SRRM2: variants seen among roughly 807,000 people sequenced by gnomAD.
The protein encoded by SRRM2 is serine/arginine repetitive matrix 2, also known as serine/arginine repetitive matrix protein 2.
Under a neutral mutation model 213.8 loss-of-function variants are expected in SRRM2, and 30 were observed. That is an observed-to-expected ratio of 0.14 (90% CI 0.10 to 0.19). The LOEUF (loss-of-function observed/expected upper bound fraction) is 0.19. SRRM2 is among the 10% of genes least tolerant of loss of function. The pLI is 1.00. For missense variants in SRRM2, 4,904 were observed against 3,647.0 expected, an observed-to-expected ratio of 1.34 and a Z score of -8.88; for synonymous variants, 2,025 against 1,377.7, an observed-to-expected ratio of 1.47 and a Z score of -10.40.
At chr16:2,757,365 T>G in intron 2 of SRRM2, 107 bp from the exon 3 acceptor site, 6 of 856,868 alleles carry the variant, frequency 7.0e-6, no homozygotes, top group Non-Finnish European at 1.1e-5. Flanking sequence ...AAAAGTTCTG[T>G]GTGCGCATGG....
rs2068600418 is a variant in SRRM2, at chr16:2,767,949, C to T, written c.7421C>T (p.Ser2474Phe). ...AQTTPVAGSQ[S>F]LSSGAVATTT... The stretch of plus-strand genomic sequence containing the variant: ...ACCACCCCTGTAGCAGGGTCTCAGT[C>T]CCTTTCCTCTGGGGCAGTGGCAACG... The change falls in exon 11 of 15, where the codon TCC becomes TTC. Residue 2474 changes from serine (S) to phenylalanine (F), a missense_variant. Physicochemically the swap from Ser to Phe is radical, Grantham distance 155 (BLOSUM62 -2). Transcript: ENST00000301740. The T allele has an allele frequency of 6.2e-7, 1 of 1,614,188 alleles. No individual in the cohort carries two copies. Among genetic ancestry groups the T allele is most frequent in the Non-Finnish European group, 8.5e-7 (1 of 1,180,044 alleles).
In SRRM2 at chr16:2,769,301, C is replaced by CT. The variant is rs752113821; in HGVS notation, c.8021+18dup. On this transcript the variant is annotated intron_variant, in intron 12 of 14. Coordinates refer to ENST00000301740, the MANE Select transcript of SRRM2 (RefSeq NM_016333.4). Reference sequence around the variant, plus strand: ...CGAGCGGAGGTGAGTGCTGTCTTGCCTGAGTTGAAAGGTGGGTGGGGGAGT... The same window carrying CT: ...CGAGCGGAGGTGAGTGCTGTCTTGCCTTGAGTTGAAAGGTGGGTGGGGGAGT... 3.6e-5 allele frequency: 56 copies of CT among 1,540,638 alleles called. No individual in the cohort carries two copies. The highest frequency in any genetic ancestry group is 3.5e-4 in the Middle Eastern group (2 of 5,666).
rs763088880 is a variant in SRRM2, at chr16:2,757,540, A to G, written c.311A>G (p.Asn104Ser). 1.9e-6 allele frequency: 3 copies of G among 1,613,816 alleles called. No homozygotes were observed. In the Admixed American group the frequency reaches 5.0e-5, roughly 27 times the overall value. The change falls in exon 3 of 15, where the codon AAC becomes AGC. Residue 104 changes from asparagine (N) to serine (S), a missense_variant. Coordinates refer to ENST00000301740, the MANE Select transcript of SRRM2 (RefSeq NM_016333.4). The part of the protein sequence containing the change: ...FRLMLLEKDV[N>S]PGGKEETPGQ... The stretch of plus-strand genomic sequence containing the variant: ...CTCATGTTGCTGGAGAAGGATGTGA[A>G]CCCTGGGGGCAAGGAGGAGACCCCA...
chr16:2,764,011 T>G lies in SRRM2; in HGVS notation c.3483T>G (p.Thr1161=), dbSNP rs1332105876. The G allele has an allele frequency of 1.2e-6, 2 of 1,614,210 alleles. No homozygotes were observed. Among genetic ancestry groups the G allele is most frequent in the Non-Finnish European group, 8.5e-7 (1 of 1,180,042 alleles). ...TCTTGGGGCAGAGTAGATTGGAGAC[T>G]GCTGAATCAAAAGAGAAAATGGCCT... The part of the protein sequence containing the change: ...NSLLGQSRLE[T]AESKEKMALP... Residue 1161 remains threonine (T), a synonymous_variant, in exon 11 of 15, where the codon ACT becomes ACG. Coordinates refer to ENST00000301740, the MANE Select transcript of SRRM2 (RefSeq NM_016333.4).
chr16:2,754,787 G>T (rs971653551), intron 1 of SRRM2, among the ~76,000 whole-genome samples: 1 of 152,146 alleles, frequency 6.6e-6, no homozygotes, highest in African/African-American at 2.4e-5. Flanking sequence ...ATGAAAATGA[G>T]GATTGGGGTG....
In SRRM2 at chr16:2,764,297, T is replaced by G; in HGVS notation, c.3769T>G (p.Ser1257Ala). ...CGCAGGCCAAATCCTGTCTCATTTGTCTTCAGAACTTAAAGAAATGTCCAC... is the reference window on the plus strand; with the variant it reads ...CGCAGGCCAAATCCTGTCTCATTTGGCTTCAGAACTTAAAGAAATGTCCAC... The part of the protein sequence containing the change: ...EPAGQILSHL[S>A]SELKEMSTSN... Residue 1257 changes from serine (S) to alanine (A), a missense_variant, in exon 11 of 15, where the codon TCT becomes GCT. Ser to Ala is a moderately conservative substitution (Grantham distance 99). Coordinates refer to ENST00000301740, the MANE Select transcript of SRRM2 (RefSeq NM_016333.4). The G allele has an allele frequency of 1.2e-6, 2 of 1,614,098 alleles. No individual in the cohort carries two copies. The highest frequency in any genetic ancestry group is 1.3e-5 in the African/African-American group (1 of 75,060).
chr16:2,768,883 C>T (rs1310392857), intron 11 of SRRM2, 114 bp from the exon 12 acceptor site: 130 of 1,549,818 alleles, frequency 8.4e-5, no homozygotes, highest in Non-Finnish European at 1.1e-4. Flanking sequence ...GCTCGGAGAG[C>T]TCCCAGCGCC....
intron 5 of SRRM2, 120 bp from the exon 6 acceptor site, chr16:2,758,865 G>C (rs1242804296): frequency 2.9e-6 from 3 of 1,048,018 alleles, no homozygotes; most frequent in Non-Finnish European, 4.2e-6. Flanking sequence ...CTTAGGTCTG[G>C]GGCATTAGTG....
In SRRM2 at chr16:2,768,100, G is replaced by A. The variant is rs780726365; in HGVS notation, c.7572G>A (p.Leu2524=). ...AGCAGCCTTCTGCATTAGCCGCCCT[G>A]CAGCCAGCAAAGGAGCGGCGGAGTT... ...GAQQPSALAA[L]QPAKERRSSS... Residue 2524 remains leucine, a synonymous_variant, in exon 11 of 15, where the codon CTG becomes CTA. Coordinates refer to ENST00000301740, the MANE Select transcript of SRRM2 (RefSeq NM_016333.4). 1.9e-6 allele frequency: 3 copies of A among 1,614,164 alleles called. No homozygotes were observed. The highest frequency in any genetic ancestry group is 1.1e-5 in the South Asian group (1 of 91,080).
intron 11 of SRRM2, 180 bp from the exon 12 acceptor site, chr16:2,768,817 A>G: frequency 1.6e-6 from 2 of 1,252,140 alleles, no homozygotes; most frequent in Non-Finnish European, 2.3e-6. Flanking sequence ...TGCTTCTGTT[A>G]GCAGAGGTTG....
Position 2,760,513 on chromosome 16 carries a change from T to C in SRRM2, c.1032+14T>C. The C allele has an allele frequency of 6.2e-7, 1 of 1,613,832 alleles. No homozygotes were observed. The highest frequency in any genetic ancestry group is 8.5e-7 in the Non-Finnish European group (1 of 1,179,888). ...GACAAGAAGGAGGTATGTTCCTGAG[T>C]TGGTGATGTTCATTGGATTGCAAAT... On this transcript the variant is annotated intron_variant, in intron 10 of 14. Coordinates refer to ENST00000301740, the MANE Select transcript of SRRM2 (RefSeq NM_016333.4).
Position 2,763,704 on chromosome 16 carries a change from G to A in SRRM2, c.3176G>A (p.Gly1059Glu), listed in dbSNP as rs780989009. The change falls in exon 11 of 15, where the codon GGA becomes GAA. Residue 1059 changes from glycine (G) to glutamate (E), a missense_variant. By Grantham distance (98) the Gly-to-Glu change is moderately conservative. Coordinates refer to ENST00000301740, the MANE Select transcript of SRRM2 (RefSeq NM_016333.4). Reference protein sequence around the residue: ...YFGVSSLQLKGQSQTSPDHRS... With the variant: ...YFGVSSLQLKEQSQTSPDHRS... ...GGTGTCTCATCTCTGCAACTGAAAG[G>A]ACAATCTCAAACTTCACCAGACCAC... The A allele has an allele frequency of 2.3e-5, 37 of 1,614,036 alleles. No homozygotes were observed. Among genetic ancestry groups the A allele is most frequent in the Non-Finnish European group, 1.7e-6 (2 of 1,180,044 alleles).
rs375428795 is a variant in SRRM2 at position 2,763,021 on chromosome 16, A to C, written c.2493A>C (p.Ser831=). 1.2e-6 allele frequency: 2 copies of C among 1,614,146 alleles called. No homozygotes were observed. Among genetic ancestry groups the C allele is most frequent in the South Asian group, 1.1e-5 (1 of 91,084 alleles). Residue 831 remains serine, a synonymous_variant, in exon 11 of 15, where the codon TCA becomes TCC. Transcript: ENST00000301740. ...CTAAACAGAAATCTAAGACACCATC[A>C]AGACAAAGTCATTCCAGTTCATCTC... is the stretch of plus-strand genomic sequence containing the variant. ...PPPKQKSKTP[S]RQSHSSSSPH...
Position 2,769,179 on chromosome 16 carries a change from C to A in SRRM2, c.7916C>A (p.Ser2639Ter). 1 of 1,611,728 alleles carries A rather than the reference C, an allele frequency of 6.2e-7. No homozygotes were observed. Among genetic ancestry groups the A allele is most frequent in the Non-Finnish European group, 8.5e-7 (1 of 1,178,580 alleles). ...TCTTCCTCTTCTTCTTCTTCCTCCTCATCTTCCTCCTCCTCGTCGTCTTCC... is the reference window on the plus strand; with the variant it reads ...TCTTCCTCTTCTTCTTCTTCCTCCTAATCTTCCTCCTCCTCGTCGTCTTCC... ...SSSSSSSSSS[S>*]SSSSSSSSSP... The change falls in exon 12 of 15, where the codon TCA (serine) becomes TAA (stop). Residue 2639 changes from serine to a stop codon, truncating the protein, a stop_gained. Coordinates refer to ENST00000301740, the MANE Select transcript of SRRM2 (RefSeq NM_016333.4). LOFTEE classifies it high-confidence loss of function.
At chr16:2,759,234 G>T (rs2068254037) in intron 7 of SRRM2, 62 bp downstream of exon 7, 2 of 1,601,944 alleles carry the variant, frequency 1.2e-6, no homozygotes, top group Non-Finnish European at 1.7e-6. Context: ...TTTTTTTCTT[G>T]GAGTGAAGCT....
At position 2,754,176 on chromosome 16, in the gene SRRM2, C is replaced by T. The variant is rs567964281; in HGVS notation, c.-32+1330C>T. Among the ~76,000 whole-genome samples the T allele has an allele frequency of 1.2e-3, 179 of 152,216 alleles. 1 individual carries two copies. Among genetic ancestry groups the T allele is most frequent in the Non-Finnish European group, 2.1e-3 (140 of 68,020 alleles). On this transcript the variant is annotated intron_variant, in intron 1 of 14. Coordinates refer to ENST00000301740, the MANE Select transcript of SRRM2 (RefSeq NM_016333.4). ...TTCCTACTTTCTGTGTCTTAACACA[C>T]CCCTTAGATGCCGTGGGGTCGTCGT...
intron 9 of SRRM2, chr16:2,760,065 T>A: frequency 1.7e-6 from 1 of 577,088 alleles, no homozygotes; most frequent in Middle Eastern, 4.7e-4. Flanking sequence ...TGGGGATGTT[T>A]GGGGGAGGTG....
At position 2,767,531 on chromosome 16, in the gene SRRM2, T is replaced by C. The variant is rs1487035446; in HGVS notation, c.7003T>C (p.Ser2335Pro). 1 of 1,614,142 alleles carries C rather than the reference T, an allele frequency of 6.2e-7. No homozygotes were observed. The highest frequency in any genetic ancestry group is 1.7e-5 in the Admixed American group (1 of 60,022). ...CTCCAGAACACCACAGGCTCCAGCC[T>C]CTGCAAACCTGGTGGGTCCTCGGTC... ...SSSRTPQAPASANLVGPRSAH... is the reference protein window; with the variant it reads ...SSSRTPQAPAPANLVGPRSAH... The change falls in exon 11 of 15, where the codon TCT becomes CCT. Residue 2335 changes from serine to proline, a missense_variant. Coordinates refer to ENST00000301740, the MANE Select transcript of SRRM2 (RefSeq NM_016333.4).
Position 2,767,962 on chromosome 16 carries a change from G to A in SRRM2, c.7434G>A (p.Gly2478=). The A allele has an allele frequency of 6.2e-7, 1 of 1,614,138 alleles. No individual in the cohort carries two copies. Among genetic ancestry groups the A allele is most frequent in the Non-Finnish European group, 8.5e-7 (1 of 1,180,032 alleles). ...CAGGGTCTCAGTCCCTTTCCTCTGG[G>A]GCAGTGGCAACGACCACGTCCTCTG... ...PVAGSQSLSS[G]AVATTTSSAG... The change falls in exon 11 of 15, where the codon GGG becomes GGA. Residue 2478 remains glycine (G), a synonymous_variant. Coordinates refer to ENST00000301740, the MANE Select transcript of SRRM2 (RefSeq NM_016333.4).
Sources: gnomAD v4.1 joint callset for allele counts (sites outside exome capture counted in the v4.1 genomes callset) on GRCh38, gnomAD v4.1.1 for gene constraint, MANE v1.5 for transcripts, NCBI Gene and HGNC (gene_info 2026-07-23, HGNC 2026-07-21) for gene names.